The following FLI1 variants were observed in gnomAD, a reference collection of about 807,000 sequenced individuals.
FLI1 encodes the protein Friend leukemia integration 1 transcription factor.
In FLI1, 13 loss-of-function variants were observed where a neutral mutation model predicts 53.1. That is an observed-to-expected ratio of 0.24 (90% CI 0.16 to 0.39). The LOEUF (loss-of-function observed/expected upper bound fraction) is 0.39. Ranked by LOEUF, FLI1 falls within the 10% of genes least tolerant of loss-of-function variation. The probability of loss-of-function intolerance (pLI) is 1.00; values close to 1 mark genes in which losing one functional copy is unlikely to be tolerated. For missense variants in FLI1, 424 were observed against 600.5 expected (o/e 0.71, Z 3.07); for synonymous variants, 244 against 236.7 (o/e 1.03, Z -0.28).
At chr11:128,779,201 A>C (rs1170576773) in intron 4 of FLI1, among the ~76,000 whole-genome samples, 1 of 152,236 alleles carries the variant, frequency 6.6e-6, no homozygotes, top group Admixed American at 6.5e-5. Context: ...TGGTTTATCT[A>C]AGGTTCGTGC....
At chr11:128,747,706 G>A (rs540408974) in intron 1 of FLI1, among the ~76,000 whole-genome samples, 33 of 152,166 alleles carry the variant, frequency 2.2e-4, no homozygotes, top group Non-Finnish European at 4.6e-4. Context: ...CGTCCCGGAC[G>A]GTCAAGTGTG....
chr11:128,799,694 G>C (rs1942569973), intron 5 of FLI1, among the ~76,000 whole-genome samples: 1 of 152,202 alleles, frequency 6.6e-6, no homozygotes, highest in South Asian at 2.1e-4. Context: ...CTCAGGGTGG[G>C]GCTGAGGGCG....
chr11:128,729,164 G>A (rs1337339280), intron 1 of FLI1, among the ~76,000 whole-genome samples: 4 of 152,212 alleles, frequency 2.6e-5, no homozygotes, highest in East Asian at 1.9e-4. Flanking sequence ...CTCCCAGCCC[G>A]GCTCTGCCAA....
chr11:128,748,304 G>A, intron 1 of FLI1: 1 of 973,330 alleles, frequency 1.0e-6, no homozygotes, highest in Non-Finnish European at 1.2e-6. Context: ...AGTGAAAGGG[G>A]AAAGGCACTT....
At chr11:128,770,591 T>C (rs1177102175) in intron 3 of FLI1, among the ~76,000 whole-genome samples, 2 of 152,130 alleles carry the variant, frequency 1.3e-5, no homozygotes, top group East Asian at 1.9e-4. Flanking sequence ...TTATAATTCA[T>C]TGTGCTGTAG....
intron 4 of FLI1, among the ~76,000 whole-genome samples, chr11:128,773,656 T>C (rs574048741): frequency 1.3e-5 from 2 of 148,988 alleles, no homozygotes; most frequent in Non-Finnish European, 3.0e-5. Context: ...CAAGCGCCCA[T>C]CAGTCTGATA....
intron 1 of FLI1, among the ~76,000 whole-genome samples, chr11:128,712,762 T>C (rs979529763): frequency 9.2e-5 from 14 of 152,174 alleles, no homozygotes; most frequent in East Asian, 7.7e-4. Context: ...GTGGGAGTTA[T>C]GGGAGCTTTG....
At chr11:128,712,973 C>T (rs1323029380) in intron 1 of FLI1, among the ~76,000 whole-genome samples, 1 of 152,194 alleles carries the variant, frequency 6.6e-6, no homozygotes, top group Non-Finnish European at 1.5e-5. Flanking sequence ...GGAGATCTGA[C>T]TTCATTACTG....
intron 1 of FLI1, among the ~76,000 whole-genome samples, chr11:128,753,972 C>T (rs1029940743): frequency 6.6e-6 from 1 of 152,200 alleles, no homozygotes; most frequent in Non-Finnish European, 1.5e-5. Context: ...GAATGCTCTC[C>T]TCCCCAACTC....
At chr11:128,731,008 G>A (rs551899267) in intron 1 of FLI1, among the ~76,000 whole-genome samples, 1 of 152,334 alleles carries the variant, frequency 6.6e-6, no homozygotes, top group Admixed American at 6.5e-5. Flanking sequence ...CAAGTGCTTC[G>A]AGAGGTCCTG....
intron 4 of FLI1, among the ~76,000 whole-genome samples, chr11:128,775,340 T>C (rs1415740227): frequency 6.6e-6 from 1 of 151,332 alleles, no homozygotes; most frequent in African/African-American, 2.4e-5. Context: ...AAGCAAAAAA[T>C]TAAAATAATC....
chr11:128,748,976 G>C (rs1458771747), intron 1 of FLI1, among the ~76,000 whole-genome samples: 1 of 152,202 alleles, frequency 6.6e-6, no homozygotes. Context: ...TTAAAAATGT[G>C]GTCCTTGTTT....
chr11:128,796,443 A>G (rs774257712), intron 5 of FLI1, among the ~76,000 whole-genome samples: 1 of 152,232 alleles, frequency 6.6e-6, no homozygotes, highest in South Asian at 2.1e-4. Flanking sequence ...CACATATGCT[A>G]CCTCTCAGGC....
intron 7 of FLI1, 70 bp downstream of exon 7, chr11:128,807,309 T>C (rs1942808648): frequency 4.5e-6 from 5 of 1,111,862 alleles, no homozygotes; most frequent in Non-Finnish European, 6.5e-6. Flanking sequence ...GGTCAACTGA[T>C]GGAGGGTTTA....
chr11:128,733,569 C>G (rs559609293), intron 1 of FLI1, among the ~76,000 whole-genome samples: 1 of 152,338 alleles, frequency 6.6e-6, no homozygotes, highest in South Asian at 2.1e-4. Flanking sequence ...GAGTCACAGA[C>G]AGCAAATCCA....
chr11:128,799,942 T>C (rs1942578656), intron 5 of FLI1, among the ~76,000 whole-genome samples: 1 of 152,192 alleles, frequency 6.6e-6, no homozygotes, highest in Non-Finnish European at 1.5e-5. Flanking sequence ...TCCAGCCCTC[T>C]ACCAGTACAC....
intron 1 of FLI1, among the ~76,000 whole-genome samples, chr11:128,747,264 C>T (rs1940435916): frequency 6.6e-6 from 1 of 152,238 alleles, no homozygotes; most frequent in Non-Finnish European, 1.5e-5. Flanking sequence ...AGCGCAGCAG[C>T]ACTTTATCCA....
At chr11:128,807,332 C>A in intron 7 of FLI1, 93 bp downstream of exon 7, 1 of 765,150 alleles carries the variant, frequency 1.3e-6, no homozygotes, top group Non-Finnish European at 2.0e-6. Context: ...CAATATACCA[C>A]ATATGTTTTC....
intron 1 of FLI1, among the ~76,000 whole-genome samples, chr11:128,757,611 G>A (rs1940943394): frequency 6.6e-6 from 1 of 152,204 alleles, no homozygotes; most frequent in South Asian, 2.1e-4. Flanking sequence ...CCCTTCCCTT[G>A]TGTGACCTTG....
Sources: allele counts gnomAD v4.1 joint callset (sites outside exome capture counted in the v4.1 genomes callset), GRCh38; gene constraint gnomAD v4.1.1; transcripts MANE v1.5; gene names NCBI Gene and HGNC (gene_info 2026-07-23, HGNC 2026-07-21).